The following CACNA1D variants were observed in gnomAD, a reference collection of about 807,000 sequenced individuals.
CACNA1D encodes voltage-dependent L-type calcium channel subunit alpha-1D.
In CACNA1D, 55 loss-of-function variants were observed where a neutral mutation model predicts 257.1. That is an observed-to-expected ratio of 0.21 (90% CI 0.17 to 0.27). The LOEUF (loss-of-function observed/expected upper bound fraction) is 0.27. Among genes scored for constraint, CACNA1D ranks in the 10% least tolerant of loss-of-function variants. The probability of loss-of-function intolerance (pLI) is 1.00; values close to 1 mark genes in which losing one functional copy is unlikely to be tolerated. For synonymous variants in CACNA1D, 980 were observed against 1,014.9 expected (o/e 0.97, Z 0.65); for missense variants, 1,876 against 2,784.0 (o/e 0.67, Z 7.34).
chr3:53,741,787 G>C (rs1038861280), intron 21 of CACNA1D, among the ~76,000 whole-genome samples: 1 of 152,156 alleles, frequency 6.6e-6, no homozygotes, highest in African/African-American at 2.4e-5. Context: ...AAAGTGAATG[G>C]GGAGCTGTTC....
chr3:53,778,851 C>T (rs1030765838), intron 37 of CACNA1D, among the ~76,000 whole-genome samples: 2 of 152,200 alleles, frequency 1.3e-5, no homozygotes, highest in East Asian at 3.9e-4. Flanking sequence ...TGCAAAATGC[C>T]ACAAGATGTA....
At chr3:53,651,361 A>ATTTTAT (rs1576235107) in intron 4 of CACNA1D, among the ~76,000 whole-genome samples, 2 of 57,174 alleles carry the variant, frequency 3.5e-5, no homozygotes, top group Non-Finnish European at 6.7e-5. Flanking sequence ...AAAGCTATTA[A>ATTTTAT]TTTTCTTTTT....
Position 53,495,335 on chromosome 3 carries a change from G to T in CACNA1D, c.67+102G>T. Reference sequence around the variant, plus strand: ...CGGCGCTGGATGGGTTGAGGGGGTTGGAGAGGGTGCTGCCAGCTCGGTGTC... The same window carrying T: ...CGGCGCTGGATGGGTTGAGGGGGTTTGAGAGGGTGCTGCCAGCTCGGTGTC... On this transcript the variant is annotated intron_variant, in intron 1 of 47. Transcript: ENST00000350061. The surrounding 1 kb of genome is among the most constrained non-coding windows in gnomAD (Gnocchi z 5.1). The T allele has an allele frequency of 3.5e-6, 5 of 1,410,338 alleles. No homozygotes were observed. Among genetic ancestry groups the T allele is most frequent in the Non-Finnish European group, 5.0e-6 (5 of 998,116 alleles). 87.4% of individuals were successfully genotyped at this position (1,410,338 alleles called of 1,614,324 possible). A position where few individuals can be genotyped will look rare whatever the true frequency, so the allele number is the denominator to read the frequency against.
chr3:53,498,463 T>C (rs2090442482), intron 2 of CACNA1D, among the ~76,000 whole-genome samples: 1 of 152,192 alleles, frequency 6.6e-6, no homozygotes, highest in Admixed American at 6.5e-5. Context: ...AAATGGCTTT[T>C]TAATTAGGCA....
At chr3:53,653,835 A>G (rs1157226774) in intron 4 of CACNA1D, among the ~76,000 whole-genome samples, 1 of 151,826 alleles carries the variant, frequency 6.6e-6, no homozygotes, top group African/African-American at 2.4e-5. Context: ...ACTCACAAGA[A>G]GCTCAGCAAA....
rs34313562 is a variant in CACNA1D at position 53,548,352 on chromosome 3, CTTTTTTTTT to C, written c.483+46643_483+46651del. 0.017 allele frequency among the ~76,000 whole-genome samples: 1,193 copies of C among 71,586 alleles called. 83 individuals carry two copies. In the South Asian group the frequency reaches 0.26, roughly 16 times the overall value. The allele number at this position is 71,586 out of a possible 152,430, so 47.0% of individuals were successfully genotyped here. A position where few individuals can be genotyped will look rare whatever the true frequency, so the allele number is the denominator to read the frequency against. On this transcript the variant is annotated intron_variant, in intron 3 of 47. Coordinates refer to ENST00000350061, the MANE Select transcript of CACNA1D (RefSeq NM_001128840.3). ...ATTGTATCCATTGTAAGCAACAAAGCTTTTTTTTTTTTTTTTTTTAAAAATTATCTTTAA... is the reference window on the plus strand; with the variant it reads ...ATTGTATCCATTGTAAGCAACAAAGCTTTTTTTTTTAAAAATTATCTTTAA...
intron 3 of CACNA1D, among the ~76,000 whole-genome samples, chr3:53,632,062 C>T (rs1431433162): frequency 1.3e-5 from 2 of 152,216 alleles, no homozygotes; most frequent in South Asian, 4.1e-4. Context: ...GAGAGTCAGC[C>T]TGTCCTTTGA....
At chr3:53,546,957 T>G (rs554629507) in intron 3 of CACNA1D, among the ~76,000 whole-genome samples, 1 of 152,320 alleles carries the variant, frequency 6.6e-6, no homozygotes, top group South Asian at 2.1e-4. Flanking sequence ...TAAATTGTAT[T>G]ATTACATACT....
rs34214358 is a variant in CACNA1D, at chr3:53,726,673, A to AT, written c.2101-198dup. Reference sequence around the variant, plus strand: ...ACACTTAAGTCTTAATAATAAGGTTATTTTTTTTCACTCAAAGAATTATCT... The same window carrying AT: ...ACACTTAAGTCTTAATAATAAGGTTATTTTTTTTTCACTCAAAGAATTATCT... On this transcript the variant is annotated intron_variant, in intron 14 of 47. Coordinates refer to ENST00000350061, the MANE Select transcript of CACNA1D (RefSeq NM_001128840.3). Among the ~76,000 whole-genome samples the AT allele has an allele frequency of 0.28, 42,164 of 151,910 alleles. 7,197 individuals are homozygous for AT. Among genetic ancestry groups the AT allele is most frequent in the East Asian group, 0.39 (1,990 of 5,166 alleles).
chr3:53,601,244 A>G (rs890146285), intron 3 of CACNA1D, among the ~76,000 whole-genome samples: 1 of 152,198 alleles, frequency 6.6e-6, no homozygotes, highest in Non-Finnish European at 1.5e-5. Flanking sequence ...TCCCATCAGC[A>G]TGGCTTACTC....
chr3:53,585,918 C>A (rs1028524892), intron 3 of CACNA1D, among the ~76,000 whole-genome samples: 2 of 152,202 alleles, frequency 1.3e-5, no homozygotes, highest in East Asian at 1.9e-4. Context: ...GAACTTTCAA[C>A]ACTGGCATAC....
chr3:53,677,665 G>A (rs2094389824), intron 8 of CACNA1D, among the ~76,000 whole-genome samples: 1 of 152,204 alleles, frequency 6.6e-6, no homozygotes, highest in African/African-American at 2.4e-5. Flanking sequence ...TGGCTCTGGA[G>A]AATGTGGAAG....
chr3:53,531,383 T>TA (rs199664927), intron 3 of CACNA1D, among the ~76,000 whole-genome samples: 2 of 151,980 alleles, frequency 1.3e-5, no homozygotes, highest in South Asian at 4.2e-4. Flanking sequence ...AATAGAGACT[T>TA]AAAAAAAATG....
At chr3:53,570,295 A>G (rs2092920685) in intron 3 of CACNA1D, among the ~76,000 whole-genome samples, 1 of 152,198 alleles carries the variant, frequency 6.6e-6, no homozygotes, top group Non-Finnish European at 1.5e-5. Context: ...ATGAGAAAGG[A>G]GCTTATTTTG....
Position 53,793,519 on chromosome 3 carries a change from C to T in CACNA1D, c.4923+6567C>T, listed in dbSNP as rs144707560. 1.8e-4 allele frequency among the ~76,000 whole-genome samples: 28 copies of T among 152,312 alleles called. No homozygotes were observed. Among genetic ancestry groups the T allele is most frequent in the African/African-American group, 5.1e-4 (21 of 41,580 alleles). ...CAGGCCTCGGCAGAAAGGCCCCAAGCGATTCAAGTGGGCGGCGTTTCCATG... is the reference window on the plus strand; with the variant it reads ...CAGGCCTCGGCAGAAAGGCCCCAAGTGATTCAAGTGGGCGGCGTTTCCATG... On this transcript the variant is annotated intron_variant, in intron 40 of 47. Transcript: ENST00000350061. The surrounding 1 kb of genome is among the most constrained non-coding windows in gnomAD (Gnocchi z 4.1).
At chr3:53,621,772 TAAAC>T (rs945638044) in intron 3 of CACNA1D, among the ~76,000 whole-genome samples, 1 of 152,130 alleles carries the variant, frequency 6.6e-6, no homozygotes, top group Admixed American at 6.5e-5. Flanking sequence ...AACACAATAA[TAAAC>T]AAGCGAGCGA....
At chr3:53,625,374 G>T (rs549588239) in intron 3 of CACNA1D, among the ~76,000 whole-genome samples, 1 of 152,120 alleles carries the variant, frequency 6.6e-6, no homozygotes, top group African/African-American at 2.4e-5. Flanking sequence ...ACCTTCTCTC[G>T]AGGGTTCAGA....
Position 53,775,997 on chromosome 3 carries a change from C to T in CACNA1D, c.4314C>T (p.Asn1438=). The T allele has an allele frequency of 6.2e-7, 1 of 1,614,130 alleles. No homozygotes were observed. The highest frequency in any genetic ancestry group is 8.5e-7 in the Non-Finnish European group (1 of 1,179,972). ...GGGAGGAGTATACATGTGGGAGCAACTTTGCCATTGTCTATTTCATCAGTT... is the reference window on the plus strand; with the variant it reads ...GGGAGGAGTATACATGTGGGAGCAATTTTGCCATTGTCTATTTCATCAGTT... ...NPGEEYTCGS[N]FAIVYFISFY... Residue 1438 remains asparagine, a synonymous_variant, in exon 35 of 48, where the codon AAC becomes AAT. Transcript: ENST00000350061.
At position 53,495,361 on chromosome 3, in the gene CACNA1D, G is replaced by C. The variant is rs113771021; in HGVS notation, c.67+128G>C. 2.9e-3 allele frequency: 3,154 copies of C among 1,069,814 alleles called. 13 individuals are homozygous for C. Among genetic ancestry groups the C allele is most frequent in the Non-Finnish European group, 3.9e-3 (2,736 of 693,976 alleles). 66.3% of individuals were successfully genotyped at this position (1,069,814 alleles called of 1,614,324 possible). The stretch of plus-strand genomic sequence containing the variant: ...GAGAGGGTGCTGCCAGCTCGGTGTC[G>C]TCTACACAGAGAGGGGACATGCGTG... On this transcript the variant is annotated intron_variant, in intron 1 of 47. Transcript: ENST00000350061. This position sits in a 1 kb window ranked among gnomAD's most constrained non-coding sequence, Gnocchi z 5.1.
Sources: gnomAD v4.1 joint callset for allele counts (sites outside exome capture counted in the v4.1 genomes callset) on GRCh38, gnomAD v4.1.1 for gene constraint, Gnocchi (gnomAD v3.1) non-coding constraint, MANE v1.5 for transcripts, NCBI Gene and HGNC (gene_info 2026-07-23, HGNC 2026-07-21) for gene names.